Variants in DLGAP2 observed in about 807,000 individuals in gnomAD.
The protein encoded by DLGAP2 is DLG associated protein 2.
A neutral mutation model predicts 100.3 loss-of-function variants in DLGAP2; 26 were observed. The ratio of observed to expected loss-of-function variants is 0.26; its 90% CI spans 0.19 to 0.36. The LOEUF is 0.36. Among genes scored for constraint, DLGAP2 ranks in the 10% least tolerant of loss-of-function variants. The probability of loss-of-function intolerance (pLI) is 1.00; values close to 1 mark genes in which losing one functional copy is unlikely to be tolerated. For synonymous variants in DLGAP2, 886 were observed against 630.1 expected, an observed-to-expected ratio of 1.41 and a Z score of -6.08; for missense variants, 1,858 against 1,453.2, an observed-to-expected ratio of 1.28 and a Z score of -4.53.
chr8:1,355,931 C>T (rs1801839079), intron 3 of DLGAP2, among the ~76,000 whole-genome samples: 1 of 152,126 alleles, frequency 6.6e-6, no homozygotes, highest in Admixed American at 6.5e-5. Context: ...CATGCACAGG[C>T]AATTCAAGTA....
chr8:1,173,805 A>G (rs997189035), intron 2 of DLGAP2, among the ~76,000 whole-genome samples: 1 of 152,158 alleles, frequency 6.6e-6, no homozygotes, highest in African/African-American at 2.4e-5. Flanking sequence ...TTGACTAGGA[A>G]AGGGAACTCT....
At chr8:1,216,653 C>T (rs1343788985) in intron 2 of DLGAP2, among the ~76,000 whole-genome samples, 7 of 152,032 alleles carry the variant, frequency 4.6e-5, no homozygotes, top group Admixed American at 1.3e-4. Flanking sequence ...GATTTTTAAC[C>T]GCCAATAAGT....
At chr8:1,466,256 A>G (rs1195565711) in intron 3 of DLGAP2, among the ~76,000 whole-genome samples, 2 of 151,974 alleles carry the variant, frequency 1.3e-5, no homozygotes, top group Non-Finnish European at 1.5e-5. Flanking sequence ...CTTTTTTATC[A>G]TTTGGACTTG....
chr8:1,573,819 C>A (rs1449816742), intron 6 of DLGAP2, among the ~76,000 whole-genome samples: 2 of 152,268 alleles, frequency 1.3e-5, no homozygotes, highest in East Asian at 3.9e-4. Flanking sequence ...GTGTGAGGCA[C>A]CCCGACAGCC....
intron 2 of DLGAP2, among the ~76,000 whole-genome samples, chr8:1,131,234 CGTG>C (rs918410223): frequency 6.6e-6 from 1 of 152,100 alleles, no homozygotes; most frequent in African/African-American, 2.4e-5. Context: ...GTGCCGGGCA[CGTG>C]CCTGCTTTCA....
chr8:1,133,324 A>T (rs1796336982), intron 2 of DLGAP2, among the ~76,000 whole-genome samples: 1 of 152,214 alleles, frequency 6.6e-6, no homozygotes, highest in Non-Finnish European at 1.5e-5. Flanking sequence ...TCTGCAGAAG[A>T]TTATGATTAG....
chr8:942,867 G>A (rs1799226883), intron 2 of DLGAP2, among the ~76,000 whole-genome samples: 1 of 152,228 alleles, frequency 6.6e-6, no homozygotes, highest in Non-Finnish European at 1.5e-5. Flanking sequence ...TTGGAGTCTG[G>A]AGGAAGACAG....
intron 3 of DLGAP2, among the ~76,000 whole-genome samples, chr8:1,338,304 C>T (rs12543651): frequency 0.58 from 88,389 of 152,114 alleles, 27,619 homozygotes; most frequent in African/African-American, 0.82. Flanking sequence ...ATCTGCTGGC[C>T]AAGGGATAAA....
At chr8:928,353 G>A (rs1024606857) in intron 2 of DLGAP2, among the ~76,000 whole-genome samples, 1 of 152,124 alleles carries the variant, frequency 6.6e-6, no homozygotes, top group African/African-American at 2.4e-5. Flanking sequence ...TTCACTAGGT[G>A]TCCTGGTCGG....
At chr8:1,376,755 C>T (rs572697395) in intron 3 of DLGAP2, among the ~76,000 whole-genome samples, 2 of 89,604 alleles carry the variant, frequency 2.2e-5, no homozygotes, top group African/African-American at 4.0e-5. Context: ...CGGCGGATGG[C>T]GGGGACAGGG....
intron 3 of DLGAP2, among the ~76,000 whole-genome samples, chr8:1,477,062 C>CGCAGACACAATTAATCACGTCACTACT (rs1798954813): frequency 1.3e-5 from 2 of 152,386 alleles, no homozygotes; most frequent in South Asian, 4.1e-4. Context: ...AAGCCTCCAC[C>CGCAGACACAATTAATCACGTCACTACT]GCAGACACAA....
At chr8:1,630,791 T>C (rs1377902214) in intron 7 of DLGAP2, among the ~76,000 whole-genome samples, 6 of 152,206 alleles carry the variant, frequency 3.9e-5, no homozygotes, top group African/African-American at 1.4e-4. Context: ...TGAAGTCTTG[T>C]GAGAGGTGCT....
chr8:997,252 C>T (rs552885770), intron 2 of DLGAP2, among the ~76,000 whole-genome samples: 2 of 152,252 alleles, frequency 1.3e-5, no homozygotes, highest in South Asian at 2.1e-4. Context: ...TACTGATTTA[C>T]ATGGGAAATG....
At chr8:1,274,478 TA>T (rs1799643428) in intron 3 of DLGAP2, among the ~76,000 whole-genome samples, 1 of 147,266 alleles carries the variant, frequency 6.8e-6, no homozygotes, top group African/African-American at 2.4e-5. Context: ...TTTTAGAACA[TA>T]AACCATAAAA....
At chr8:966,980 G>T (rs963958461) in intron 2 of DLGAP2, among the ~76,000 whole-genome samples, 1 of 152,248 alleles carries the variant, frequency 6.6e-6, no homozygotes, top group East Asian at 1.9e-4. Context: ...TTGCATTTGA[G>T]TGGCTGCGTG....
chr8:839,317 T>C (rs981243406), intron 1 of DLGAP2, among the ~76,000 whole-genome samples: 2 of 152,216 alleles, frequency 1.3e-5, no homozygotes, highest in African/African-American at 4.8e-5. Flanking sequence ...GTAGCCAAGA[T>C]ATAGAATCAT....
chr8:803,420 A>G (rs1796209092), intron 1 of DLGAP2, among the ~76,000 whole-genome samples: 1 of 151,246 alleles, frequency 6.6e-6, no homozygotes, highest in Non-Finnish European at 1.5e-5. Context: ...TCTTTTTTCC[A>G]CTGTTTATTG....
chr8:1,442,475 G>T (rs7002906), intron 3 of DLGAP2, among the ~76,000 whole-genome samples: 151 of 84,354 alleles, frequency 1.8e-3, no homozygotes, highest in Middle Eastern at 0.01. Flanking sequence ...CAGGCTGCTG[G>T]GGGTTCAGCC....
At chr8:1,365,782 C>G (rs978088737) in intron 3 of DLGAP2, among the ~76,000 whole-genome samples, 1 of 152,218 alleles carries the variant, frequency 6.6e-6, no homozygotes, top group African/African-American at 2.4e-5. Flanking sequence ...TGTGAGAAGG[C>G]ACGTGGGGGA....
Sources: gnomAD v4.1 joint callset for allele counts (sites outside exome capture counted in the v4.1 genomes callset) on GRCh38, gnomAD v4.1.1 for gene constraint, MANE v1.5 for transcripts, NCBI Gene and HGNC (gene_info 2026-07-23, HGNC 2026-07-21) for gene names.